Variants in LRP1B observed in about 807,000 individuals in gnomAD.
LRP1B encodes LDL receptor related protein 1B, also known as low-density lipoprotein receptor-related protein 1B.
In LRP1B, 217 loss-of-function variants were observed where a neutral mutation model predicts 556.6. The observed-to-expected ratio is 0.39, with a 90% CI of 0.35 to 0.44. The LOEUF (loss-of-function observed/expected upper bound fraction) is 0.44. LRP1B is among the 20% of genes least tolerant of loss of function. The probability of loss-of-function intolerance (pLI) is 1.00; values close to 1 mark genes in which losing one functional copy is unlikely to be tolerated. For synonymous variants in LRP1B, 2,047 were observed against 1,865.8 expected (o/e 1.10, Z -2.50); for missense variants, 5,053 against 5,620.8 (o/e 0.90, Z 3.23).
At chr2:141,162,275 C>T (rs1468845469) in intron 7 of LRP1B, among the ~76,000 whole-genome samples, 2 of 152,114 alleles carry the variant, frequency 1.3e-5, no homozygotes, top group African/African-American at 4.8e-5. Context: ...AAAGTTATAG[C>T]TACCCCAGAT....
chr2:140,444,884 C>T (rs2105305648), intron 63 of LRP1B, among the ~76,000 whole-genome samples: 1 of 152,034 alleles, frequency 6.6e-6, no homozygotes, highest in East Asian at 1.9e-4. Context: ...ATTTAATAAA[C>T]CATACTTTAG....
chr2:141,749,278 G>A (rs1198107472), intron 2 of LRP1B, among the ~76,000 whole-genome samples: 1 of 152,114 alleles, frequency 6.6e-6, no homozygotes, highest in Non-Finnish European at 1.5e-5. Context: ...AGACAAGTGT[G>A]TAATAATTTA....
intron 35 of LRP1B, 147 bp from the exon 36 acceptor site, chr2:140,716,963 A>G (rs1311204681): frequency 4.9e-6 from 2 of 405,184 alleles, no homozygotes; most frequent in African/African-American, 4.1e-5. Context: ...TAATTTACTA[A>G]TATAAATAGT....
intron 7 of LRP1B, among the ~76,000 whole-genome samples, chr2:141,138,808 T>C (rs1701553988): frequency 6.6e-6 from 1 of 151,894 alleles, no homozygotes; most frequent in Admixed American, 6.6e-5. Context: ...ACTTATCAGT[T>C]CAATGAAATA....
intron 3 of LRP1B, among the ~76,000 whole-genome samples, chr2:141,479,323 A>G (rs1385318296): frequency 6.6e-6 from 1 of 152,156 alleles, no homozygotes; most frequent in East Asian, 1.9e-4. Flanking sequence ...TTGACTATAC[A>G]ATGTTTTAAA....
At chr2:140,784,926 T>A (rs1689843003) in intron 32 of LRP1B, among the ~76,000 whole-genome samples, 1 of 152,050 alleles carries the variant, frequency 6.6e-6, no homozygotes, top group South Asian at 2.1e-4. Flanking sequence ...ATTTAAAAAA[T>A]AATTTGACAT....
chr2:140,701,641 C>A (rs1234428046), intron 40 of LRP1B, 80 bp downstream of exon 40: 1 of 1,390,240 alleles, frequency 7.2e-7, no homozygotes, highest in Non-Finnish European at 9.8e-7. Context: ...AGAAGAATTT[C>A]TAAGTTTGAC....
Position 141,117,984 on chromosome 2 carries a change from A to G in LRP1B, c.1014-55711T>C, listed in dbSNP as rs190703067. On this transcript the variant is annotated intron_variant, in intron 7 of 90. Coordinates refer to ENST00000389484, the MANE Select transcript of LRP1B (RefSeq NM_018557.3). ...CTTCCTTGCTCCAATAAGTTACTTG[A>G]GTGCAGGAACTAAACTGTCTTTGTT... Among the ~76,000 whole-genome samples, 302 of 152,060 alleles carry G rather than the reference A, an allele frequency of 2.0e-3. 1 individual carries two copies. The highest frequency in any genetic ancestry group is 5.9e-3 in the African/African-American group (245 of 41,546).
At chr2:141,737,160 T>C (rs1367826261) in intron 2 of LRP1B, among the ~76,000 whole-genome samples, 1 of 152,138 alleles carries the variant, frequency 6.6e-6, no homozygotes, top group Non-Finnish European at 1.5e-5. Context: ...GAGACCAGCC[T>C]GGCCAACATG....
chr2:140,294,523 C>A (rs1463736688), intron 84 of LRP1B, among the ~76,000 whole-genome samples: 1 of 152,084 alleles, frequency 6.6e-6, no homozygotes, highest in Non-Finnish European at 1.5e-5. Context: ...GAGGTTGATT[C>A]AAACTGAGAA....
At chr2:141,524,846 A>G (rs1315089079) in intron 2 of LRP1B, among the ~76,000 whole-genome samples, 1 of 152,056 alleles carries the variant, frequency 6.6e-6, no homozygotes, top group Non-Finnish European at 1.5e-5. Context: ...TATGCAAAAA[A>G]AAAAATTATT....
At chr2:140,691,038 A>G (rs114147004) in intron 41 of LRP1B, among the ~76,000 whole-genome samples, 2,133 of 152,334 alleles carry the variant, frequency 0.014, 40 homozygotes, top group South Asian at 0.05. Context: ...TATGCATTCT[A>G]AAAGTTGATT....
chr2:140,795,161 G>A (rs748005255), intron 32 of LRP1B, among the ~76,000 whole-genome samples: 1 of 152,004 alleles, frequency 6.6e-6, no homozygotes, highest in Non-Finnish European at 1.5e-5. Context: ...TCTTGTAAAG[G>A]TTCTGTGTCA....
At chr2:141,702,394 T>C (rs180956096) in intron 2 of LRP1B, among the ~76,000 whole-genome samples, 6 of 152,032 alleles carry the variant, frequency 3.9e-5, no homozygotes, top group Admixed American at 1.3e-4. Flanking sequence ...CCCCTGGGGA[T>C]AGGTCCCAAG....
At chr2:141,590,520 C>T (rs1393650373) in intron 2 of LRP1B, among the ~76,000 whole-genome samples, 1 of 151,996 alleles carries the variant, frequency 6.6e-6, no homozygotes, top group Non-Finnish European at 1.5e-5. Context: ...GGATGTCATT[C>T]TGAATTAAGC....
chr2:140,375,707 C>T (rs1216985521), intron 68 of LRP1B, among the ~76,000 whole-genome samples: 2 of 152,062 alleles, frequency 1.3e-5, no homozygotes, highest in African/African-American at 4.8e-5. Context: ...TTAACAATGT[C>T]TATGGATGCA....
intron 1 of LRP1B, among the ~76,000 whole-genome samples, chr2:142,045,667 G>A (rs897332361): frequency 1.6e-4 from 24 of 151,834 alleles, no homozygotes; most frequent in Non-Finnish European, 2.7e-4. Flanking sequence ...AATCGGTCAT[G>A]CGTAATACAT....
intron 1 of LRP1B, among the ~76,000 whole-genome samples, chr2:141,813,293 AAC>A (rs1175674239): frequency 6.6e-6 from 1 of 152,192 alleles, no homozygotes; most frequent in Non-Finnish European, 1.5e-5. Context: ...AGAAAAATAG[AAC>A]AGAGATGGGG....
chr2:140,637,228 C>T (rs1290754509), intron 41 of LRP1B, among the ~76,000 whole-genome samples: 5 of 151,910 alleles, frequency 3.3e-5, no homozygotes, highest in Admixed American at 3.3e-4. Context: ...GGAATGATAC[C>T]CTGGAAAGAA....
Sources: gnomAD v4.1 joint callset for allele counts (sites outside exome capture counted in the v4.1 genomes callset) on GRCh38, gnomAD v4.1.1 for gene constraint, MANE v1.5 for transcripts, NCBI Gene and HGNC (gene_info 2026-07-23, HGNC 2026-07-21) for gene names.